Variants in FAR2 observed in about 807,000 individuals in gnomAD.
FAR2 encodes epididymis secretory protein Li 81.
In FAR2, 19 loss-of-function variants were observed where a neutral mutation model predicts 56.0. That is an observed-to-expected ratio of 0.34 (90% CI 0.24 to 0.50). The LOEUF is 0.50. FAR2 is among the 20% of genes least tolerant of loss of function. The probability of loss-of-function intolerance (pLI) is 0.98; values close to 1 mark genes in which losing one functional copy is unlikely to be tolerated. For synonymous variants in FAR2, 219 were observed against 218.8 expected, an observed-to-expected ratio of 1.00 and a Z score of -0.01; for missense variants, 508 against 642.2, an observed-to-expected ratio of 0.79 and a Z score of 2.26.
intron 3 of FAR2, among the ~76,000 whole-genome samples, chr12:29,294,235 G>A (rs1051156293): frequency 4.6e-5 from 7 of 152,132 alleles, no homozygotes; most frequent in African/African-American, 1.7e-4. Flanking sequence ...ATATTTAAAT[G>A]CTTATTGGCA....
At chr12:29,285,195 G>C (rs115485438) in intron 2 of FAR2, among the ~76,000 whole-genome samples, 7,313 of 102,396 alleles carry the variant, frequency 0.071, 491 homozygotes, top group African/African-American at 0.23. Context: ...GGAAAAAAAA[G>C]TGTGTTCATG....
intron 4 of FAR2, among the ~76,000 whole-genome samples, chr12:29,300,269 T>C (rs7308534): frequency 0.59 from 89,618 of 152,032 alleles, 27,699 homozygotes; most frequent in African/African-American, 0.78. Context: ...GTTGTTCATT[T>C]TTTTCTTCTT....
intron 1 of FAR2, among the ~76,000 whole-genome samples, chr12:29,255,847 C>T (rs2042511): frequency 0.33 from 49,571 of 151,864 alleles, 8,311 homozygotes; most frequent in Non-Finnish European, 0.37. Context: ...ATTGCCTTTT[C>T]AGTTTATCTT....
intron 1 of FAR2, among the ~76,000 whole-genome samples, chr12:29,167,943 TTCC>T (rs1333311918): frequency 6.6e-6 from 1 of 152,126 alleles, no homozygotes. Flanking sequence ...GGGAAAAAAA[TTCC>T]TCATTACCAG....
At chr12:29,260,037 G>C (rs572067135) in intron 1 of FAR2, among the ~76,000 whole-genome samples, 2 of 152,144 alleles carry the variant, frequency 1.3e-5, no homozygotes, top group Admixed American at 1.3e-4. Context: ...AGTTGCATAT[G>C]TGCTATTATT....
At chr12:29,263,285 T>G (rs1482676563) in intron 1 of FAR2, among the ~76,000 whole-genome samples, 1 of 152,172 alleles carries the variant, frequency 6.6e-6, no homozygotes, top group East Asian at 1.9e-4. Flanking sequence ...TAATCTGCAC[T>G]GTAGATCAAA....
chr12:29,183,251 C>G (rs1950009377), intron 1 of FAR2, among the ~76,000 whole-genome samples: 2 of 152,212 alleles, frequency 1.3e-5, no homozygotes, highest in Non-Finnish European at 2.9e-5. Context: ...TGACAATTCA[C>G]TCTTTTAAGA....
At chr12:29,150,829 C>T (rs1949676484) in intron 1 of FAR2, among the ~76,000 whole-genome samples, 1 of 152,186 alleles carries the variant, frequency 6.6e-6, no homozygotes, top group African/African-American at 2.4e-5. Flanking sequence ...CTCACTTACT[C>T]CTATTTCTAA....
intron 1 of FAR2, among the ~76,000 whole-genome samples, chr12:29,162,070 C>T (rs956719153): frequency 2.6e-5 from 4 of 152,104 alleles, no homozygotes; most frequent in African/African-American, 9.7e-5. Flanking sequence ...CCAATCTATG[C>T]CTGGCCTTTT....
At chr12:29,332,891 TC>T in intron 11 of FAR2, 164 bp downstream of exon 11, 1 of 720,476 alleles carries the variant, frequency 1.4e-6, no homozygotes, top group East Asian at 2.8e-5. Context: ...CATTTAGACT[TC>T]ACCACACCTC....
chr12:29,193,255 C>T (rs1425305215), intron 1 of FAR2, among the ~76,000 whole-genome samples: 1 of 152,056 alleles, frequency 6.6e-6, no homozygotes, highest in Non-Finnish European at 1.5e-5. Context: ...TCATTATCAC[C>T]CAAAATCCAT....
Position 29,311,157 on chromosome 12 carries a change from T to C in FAR2, c.887+11T>C. 6.3e-7 allele frequency: 1 copy of C among 1,586,342 alleles called. No homozygotes were observed. Among genetic ancestry groups the C allele is most frequent in the African/African-American group, 1.3e-5 (1 of 74,416 alleles). On this transcript the variant is annotated intron_variant, in intron 7 of 11. Coordinates refer to ENST00000536681, the MANE Select transcript of FAR2 (RefSeq NM_001271783.2). ...TACTGCAGTTCACAGGTGTGGATGC[T>C]CAAGTGGGCTTTCAAAGACTTCATG...
chr12:29,160,553 C>T (rs910863891), intron 1 of FAR2, among the ~76,000 whole-genome samples: 17 of 152,188 alleles, frequency 1.1e-4, no homozygotes, highest in Non-Finnish European at 2.2e-4. Flanking sequence ...TTTCAGTCTT[C>T]CCAATGTATT....
chr12:29,327,161 A>G (rs1723313963), intron 10 of FAR2, among the ~76,000 whole-genome samples: 1 of 152,212 alleles, frequency 6.6e-6, no homozygotes, highest in Non-Finnish European at 1.5e-5. Context: ...TAATTGCTAC[A>G]AAGAGAATAA....
intron 10 of FAR2, among the ~76,000 whole-genome samples, chr12:29,324,922 G>A (rs1028442348): frequency 6.6e-6 from 1 of 152,146 alleles, no homozygotes. Flanking sequence ...ATGTAAATGG[G>A]CTAAATGCTC....
Position 29,177,286 on chromosome 12 carries a change from T to C in FAR2, c.-39+27879T>C, listed in dbSNP as rs528911992. Among the ~76,000 whole-genome samples the C allele has an allele frequency of 5.3e-5, 8 of 152,282 alleles. No homozygotes were observed. The East Asian group carries it at 1.5e-3, about 29-fold the overall frequency. On this transcript the variant is annotated intron_variant, in intron 1 of 11. Coordinates refer to ENST00000536681, the MANE Select transcript of FAR2 (RefSeq NM_001271783.2). The stretch of plus-strand genomic sequence containing the variant: ...AGCTGCAATGGATCCAGGATAGCAA[T>C]GGCGGGGGGGATCTGTAGTTTCCAA...
At chr12:29,238,631 A>G (rs1213909997) in intron 1 of FAR2, among the ~76,000 whole-genome samples, 1 of 152,158 alleles carries the variant, frequency 6.6e-6, no homozygotes, top group Non-Finnish European at 1.5e-5. Flanking sequence ...GGGAAGGGCT[A>G]TTTTACTTAT....
intron 10 of FAR2, among the ~76,000 whole-genome samples, chr12:29,325,825 A>G (rs1949634555): frequency 6.6e-6 from 1 of 152,214 alleles, no homozygotes; most frequent in Non-Finnish European, 1.5e-5. Flanking sequence ...ACACCCTAAC[A>G]TCACAATTAA....
intron 1 of FAR2, among the ~76,000 whole-genome samples, chr12:29,215,063 CAG>C (rs1947606615): frequency 6.6e-6 from 1 of 151,868 alleles, no homozygotes; most frequent in South Asian, 2.1e-4. Flanking sequence ...ATCTCTGAGG[CAG>C]AAATGACTGT....
Sources: allele counts gnomAD v4.1 joint callset (sites outside exome capture counted in the v4.1 genomes callset), GRCh38; gene constraint gnomAD v4.1.1; transcripts MANE v1.5; gene names NCBI Gene and HGNC (gene_info 2026-07-23, HGNC 2026-07-21).